Variants in KHDRBS3 observed in about 807,000 individuals in gnomAD.
KHDRBS3 encodes the protein KH domain-containing, RNA-binding, signal transduction-associated protein 3.
Under a neutral mutation model 45.6 loss-of-function variants are expected in KHDRBS3, and 23 were observed. The observed-to-expected ratio is 0.50, with a 90% CI of 0.36 to 0.72. KHDRBS3 has a LOEUF of 0.72. Among genes scored for constraint, KHDRBS3 ranks in the 30% least tolerant of loss-of-function variants. KHDRBS3 has a pLI of 0.00. For synonymous variants in KHDRBS3, 162 were observed against 156.5 expected (o/e 1.04, Z -0.26); for missense variants, 352 against 424.8 (o/e 0.83, Z 1.51).
chr8:135,475,558 C>A (rs10092025), intron 1 of KHDRBS3, among the ~76,000 whole-genome samples: 1 of 151,952 alleles, frequency 6.6e-6, no homozygotes, highest in Admixed American at 6.6e-5. Context: ...ATGATCCACC[C>A]TCCTCAGGCT....
chr8:135,622,643 G>A (rs1173297012), intron 7 of KHDRBS3, among the ~76,000 whole-genome samples: 2 of 152,154 alleles, frequency 1.3e-5, no homozygotes, highest in Non-Finnish European at 2.9e-5. Context: ...AAAAAGATAT[G>A]TTAGTATACC....
intron 7 of KHDRBS3, 68 bp from the exon 8 acceptor site, chr8:135,644,991 G>A (rs971629120): frequency 9.2e-6 from 14 of 1,516,810 alleles, no homozygotes; most frequent in East Asian, 2.3e-5. Flanking sequence ...TTTACAATAC[G>A]TTATTGAATA....
intron 1 of KHDRBS3, among the ~76,000 whole-genome samples, chr8:135,476,662 G>A (rs1230895006): frequency 2.0e-5 from 3 of 152,134 alleles, no homozygotes; most frequent in East Asian, 1.9e-4. Context: ...TGGGGAAACC[G>A]AGCATCAGAA....
intron 2 of KHDRBS3, chr8:135,539,018 A>G (rs184507768): frequency 9.2e-5 from 14 of 152,382 alleles, no homozygotes; most frequent in African/African-American, 3.1e-4. Context: ...CTGAAAAGAC[A>G]GTAATAAGAG....
chr8:135,491,417 A>C (rs1020830301), intron 1 of KHDRBS3, among the ~76,000 whole-genome samples: 3 of 152,202 alleles, frequency 2.0e-5, no homozygotes. Flanking sequence ...AAAAAAAAGG[A>C]AAGAAAAAAA....
At chr8:135,469,987 TA>T (rs1436723036) in intron 1 of KHDRBS3, among the ~76,000 whole-genome samples, 4 of 152,230 alleles carry the variant, frequency 2.6e-5, no homozygotes, top group Non-Finnish European at 4.4e-5. Context: ...TAAAATAAAT[TA>T]GGCTTTAATT....
intron 1 of KHDRBS3, among the ~76,000 whole-genome samples, chr8:135,476,829 T>G (rs542523423): frequency 1.3e-5 from 2 of 152,150 alleles, no homozygotes; most frequent in Non-Finnish European, 2.9e-5. Flanking sequence ...ATAAAAAAGG[T>G]AAATGACATT....
intron 1 of KHDRBS3, among the ~76,000 whole-genome samples, chr8:135,470,792 G>A (rs150461272): frequency 5.9e-5 from 9 of 152,190 alleles, no homozygotes; most frequent in East Asian, 1.9e-4. Flanking sequence ...CACCATGTTG[G>A]CCAGGGTGGT....
chr8:135,520,915 C>T (rs1468356596), intron 1 of KHDRBS3, among the ~76,000 whole-genome samples: 1 of 152,074 alleles, frequency 6.6e-6, no homozygotes. Flanking sequence ...TACTTAATGG[C>T]TTTTCTTCTT....
chr8:135,573,594 A>G (rs1352461736), intron 5 of KHDRBS3, among the ~76,000 whole-genome samples: 1 of 152,264 alleles, frequency 6.6e-6, no homozygotes, highest in Non-Finnish European at 1.5e-5. Context: ...TAAAGATCAA[A>G]TGACAGAACT....
At chr8:135,522,319 TGTA>T in intron 2 of KHDRBS3, among the ~76,000 whole-genome samples, 1 of 152,370 alleles carries the variant, frequency 6.6e-6, no homozygotes, top group African/African-American at 2.4e-5. Context: ...ATAGTGTATA[TGTA>T]CCACATTTTC....
intron 2 of KHDRBS3, among the ~76,000 whole-genome samples, chr8:135,532,161 A>G (rs1825509139): frequency 6.6e-6 from 1 of 152,170 alleles, no homozygotes; most frequent in Non-Finnish European, 1.5e-5. Flanking sequence ...ACTGTTGTTT[A>G]GAGTTTGGCA....
chr8:135,512,319 G>A (rs78046597), intron 1 of KHDRBS3, among the ~76,000 whole-genome samples: 9,354 of 149,146 alleles, frequency 0.063, 851 homozygotes, highest in East Asian at 0.41. Flanking sequence ...TTTTGAAATC[G>A]ATTTCTGAAT....
chr8:135,504,136 A>T (rs533533658), intron 1 of KHDRBS3, among the ~76,000 whole-genome samples: 2 of 152,214 alleles, frequency 1.3e-5, no homozygotes, highest in South Asian at 4.2e-4. Context: ...TGTGATTTGA[A>T]TGTATGTTTT....
At chr8:135,536,513 G>T (rs1179122512) in intron 2 of KHDRBS3, among the ~76,000 whole-genome samples, 4 of 152,056 alleles carry the variant, frequency 2.6e-5, no homozygotes, top group Non-Finnish European at 5.9e-5. Context: ...TTAAGCAGAG[G>T]TGTAATATGG....
chr8:135,473,126 A>AT (rs1822097641), intron 1 of KHDRBS3, among the ~76,000 whole-genome samples: 1 of 151,402 alleles, frequency 6.6e-6, no homozygotes, highest in African/African-American at 2.4e-5. Flanking sequence ...TTCTTGAGCC[A>AT]TAAGCTGATG....
At chr8:135,545,919 C>T (rs1826279186) in intron 3 of KHDRBS3, among the ~76,000 whole-genome samples, 1 of 152,130 alleles carries the variant, frequency 6.6e-6, no homozygotes, top group Non-Finnish European at 1.5e-5. Context: ...GGGGTGATCA[C>T]CTGAGGTCAG....
intron 7 of KHDRBS3, among the ~76,000 whole-genome samples, chr8:135,630,913 C>G (rs1169471947): frequency 6.6e-6 from 1 of 152,088 alleles, no homozygotes; most frequent in African/African-American, 2.4e-5. Flanking sequence ...CTATTGTAGA[C>G]TTCATAGACA....
chr8:135,584,260 A>C (rs1388365368), intron 6 of KHDRBS3, among the ~76,000 whole-genome samples: 1 of 152,230 alleles, frequency 6.6e-6, no homozygotes, highest in African/African-American at 2.4e-5. Flanking sequence ...TGACGGTCAT[A>C]TCCGCCAGTG....
Sources: allele counts gnomAD v4.1 joint callset (sites outside exome capture counted in the v4.1 genomes callset), GRCh38; gene constraint gnomAD v4.1.1; transcripts MANE v1.5; gene names NCBI Gene and HGNC (gene_info 2026-07-23, HGNC 2026-07-21).